The following FARS2 variants were observed in gnomAD, a reference collection of about 807,000 sequenced individuals.
FARS2 encodes phenylalanine--tRNA ligase, mitochondrial.
In FARS2, 40 loss-of-function variants were observed where a neutral mutation model predicts 46.4. The observed-to-expected ratio is 0.86, with a 90% confidence interval of 0.67 to 1.12. FARS2 has a LOEUF of 1.12. Ranked by LOEUF, FARS2 falls within the 50% of genes most tolerant of loss-of-function variation. FARS2 has a pLI of 0.00. For missense variants in FARS2, 513 were observed against 567.9 expected (o/e 0.90, Z 0.98); for synonymous variants, 234 against 214.9 (o/e 1.09, Z -0.78).
chr6:5,356,937 TA>T (rs1434302119), intron 1 of FARS2, among the ~76,000 whole-genome samples: 2 of 99,004 alleles, frequency 2.0e-5, no homozygotes, highest in South Asian at 3.4e-4. Flanking sequence ...AGTGGAGGGC[TA>T]TTTTTTTTTT....
rs192617776 is a variant in FARS2 at position 5,399,221 on chromosome 6, C to T, written c.613-5321C>T. Reference sequence around the variant, plus strand: ...ACGGAGTCTCCTTTTGTTGCCCAGGCTAGAGTACAGTGGCATGATGTAGGC... The same window carrying T: ...ACGGAGTCTCCTTTTGTTGCCCAGGTTAGAGTACAGTGGCATGATGTAGGC... On this transcript the variant is annotated intron_variant, in intron 2 of 6. Transcript: ENST00000274680. Among the ~76,000 whole-genome samples, 603 of 148,900 alleles carry T rather than the reference C, an allele frequency of 4.0e-3. 4 individuals carry two copies. Among genetic ancestry groups the T allele is most frequent in the Non-Finnish European group, 6.5e-3 (438 of 67,446 alleles).
intron 1 of FARS2, among the ~76,000 whole-genome samples, chr6:5,322,245 G>A (rs1195318678): frequency 6.6e-6 from 1 of 152,186 alleles, no homozygotes. Context: ...TTAATATTAG[G>A]TAGCCACTGA....
intron 4 of FARS2, among the ~76,000 whole-genome samples, chr6:5,510,133 G>T (rs866077929): frequency 1.4e-4 from 22 of 152,234 alleles, no homozygotes; most frequent in East Asian, 3.9e-4. Context: ...TGTTTGTTTG[G>T]TTGGTTGGTT....
intron 6 of FARS2, among the ~76,000 whole-genome samples, chr6:5,722,836 G>A (rs537933099): frequency 1.3e-5 from 2 of 152,138 alleles, no homozygotes; most frequent in Non-Finnish European, 2.9e-5. Context: ...AGGGGGCCAC[G>A]ACTGGGTTTG....
At chr6:5,346,995 C>T (rs1301183260) in intron 1 of FARS2, among the ~76,000 whole-genome samples, 1 of 151,570 alleles carries the variant, frequency 6.6e-6, no homozygotes, top group African/African-American at 2.4e-5. Flanking sequence ...CACACTGAAA[C>T]CTCCGCCTTC....
intron 1 of FARS2, among the ~76,000 whole-genome samples, chr6:5,318,082 T>C (rs1336076120): frequency 6.6e-6 from 1 of 152,016 alleles, no homozygotes; most frequent in African/African-American, 2.4e-5. Flanking sequence ...CAAGATAGGT[T>C]GGGCGCGGTG....
intron 1 of FARS2, among the ~76,000 whole-genome samples, chr6:5,274,324 A>G (rs1766177306): frequency 6.6e-6 from 1 of 152,188 alleles, no homozygotes; most frequent in Non-Finnish European, 1.5e-5. Flanking sequence ...CTTCATAGTG[A>G]TTGCATTCCC....
chr6:5,463,539 A>G (rs939535644), intron 4 of FARS2, among the ~76,000 whole-genome samples: 5 of 152,226 alleles, frequency 3.3e-5, no homozygotes, highest in African/African-American at 1.2e-4. Flanking sequence ...GGAAGGAGAA[A>G]GAGCATTGTT....
At chr6:5,432,350 AT>A (rs796084807) in intron 4 of FARS2, among the ~76,000 whole-genome samples, 3,110 of 30,564 alleles carry the variant, frequency 0.1, 188 homozygotes, top group African/African-American at 0.28. Flanking sequence ...ATATATATAT[AT>A]TATATATATA....
At chr6:5,761,864 C>T (rs1426883674) in intron 6 of FARS2, among the ~76,000 whole-genome samples, 1 of 150,648 alleles carries the variant, frequency 6.6e-6, no homozygotes, top group Non-Finnish European at 1.5e-5. Context: ...ATCTTCATTG[C>T]TAAGCTAATG....
intron 4 of FARS2, among the ~76,000 whole-genome samples, chr6:5,529,160 T>TA (rs1450191279): frequency 1.3e-5 from 2 of 152,218 alleles, no homozygotes; most frequent in Non-Finnish European, 2.9e-5. Flanking sequence ...GAGCTAGTGA[T>TA]AGTGACCTAA....
At chr6:5,679,146 A>C (rs78499228) in intron 6 of FARS2, among the ~76,000 whole-genome samples, 259 of 152,322 alleles carry the variant, frequency 1.7e-3, no homozygotes, top group Middle Eastern at 3.4e-3. Flanking sequence ...GACATGCTGC[A>C]ATTGACCTGT....
chr6:5,458,369 G>A (rs112016271), intron 4 of FARS2, among the ~76,000 whole-genome samples: 5 of 152,206 alleles, frequency 3.3e-5, no homozygotes, highest in African/African-American at 1.2e-4. Flanking sequence ...TGGCCTTCCT[G>A]CCAGGGCTGA....
At chr6:5,718,016 G>T (rs1272313810) in intron 6 of FARS2, among the ~76,000 whole-genome samples, 1 of 151,558 alleles carries the variant, frequency 6.6e-6, no homozygotes, top group Non-Finnish European at 1.5e-5. Context: ...CCAGGTTCAA[G>T]TGATTCTCAA....
Position 5,727,151 on chromosome 6 carries a change from A to C in FARS2, c.1218-44140A>C, listed in dbSNP as rs1278816566. Among the ~76,000 whole-genome samples the C allele has an allele frequency of 1.3e-5, 2 of 151,910 alleles. No individual in the cohort carries two copies. Among genetic ancestry groups the C allele is most frequent in the East Asian group, 3.9e-4 (2 of 5,146 alleles). ...AGCGTGACTGCAGTGCATGGCACCC[A>C]GGAAGCTGCTCAGTCAACAGTAACG... On this transcript the variant is annotated intron_variant, in intron 6 of 6. Transcript: ENST00000274680. This position sits in a 1 kb window ranked among gnomAD's most constrained non-coding sequence, Gnocchi z 4.1.
chr6:5,561,539 C>A (rs950056562), intron 5 of FARS2, among the ~76,000 whole-genome samples: 1 of 152,028 alleles, frequency 6.6e-6, no homozygotes, highest in African/African-American at 2.4e-5. Context: ...AGTGTTGTTT[C>A]TTTGTAGATA....
chr6:5,303,396 G>T (rs1337053787), intron 1 of FARS2, among the ~76,000 whole-genome samples: 1 of 152,180 alleles, frequency 6.6e-6, no homozygotes, highest in East Asian at 1.9e-4. Flanking sequence ...CTGGCACAGG[G>T]CTGAAGCTGC....
intron 4 of FARS2, among the ~76,000 whole-genome samples, chr6:5,473,507 A>G (rs1401541977): frequency 1.4e-5 from 2 of 144,536 alleles, no homozygotes; most frequent in African/African-American, 5.2e-5. Context: ...AGCCTGGGCG[A>G]CAGAGCGAGA....
At chr6:5,666,442 A>G (rs868745732) in intron 6 of FARS2, among the ~76,000 whole-genome samples, 6 of 152,160 alleles carry the variant, frequency 3.9e-5, no homozygotes, top group Admixed American at 6.5e-5. Flanking sequence ...CAGCCTGACT[A>G]TAGAAGAACT....
Sources: gnomAD v4.1 joint callset for allele counts (sites outside exome capture counted in the v4.1 genomes callset) on GRCh38, gnomAD v4.1.1 for gene constraint, Gnocchi (gnomAD v3.1) non-coding constraint, MANE v1.5 for transcripts, NCBI Gene and HGNC (gene_info 2026-07-23, HGNC 2026-07-21) for gene names.